The following PRH1 variants were observed in gnomAD, a reference collection of about 807,000 sequenced individuals.
The protein encoded by PRH1 is proline rich protein HaeIII subfamily 1.
PRH1 carries 7 observed loss-of-function variants against 7.9 expected under a neutral mutation model. That is an observed-to-expected ratio of 0.89 (90% confidence interval 0.50 to 1.67). The LOEUF is 1.67. PRH1 is among the 40% of genes most tolerant of loss of function. PRH1 has a pLI of 0.00. For synonymous variants in PRH1, 45 were observed against 80.8 expected, an observed-to-expected ratio of 0.56 and a Z score of 2.38; for missense variants, 109 against 223.6, an observed-to-expected ratio of 0.49 and a Z score of 3.27.
chr12:10,953,438 A>G (rs542555718), intron 2 of PRH1, among the ~76,000 whole-genome samples: 21 of 152,336 alleles, frequency 1.4e-4, no homozygotes, highest in Admixed American at 7.2e-4. Context: ...ATAGAGCTGA[A>G]AACATCACTT....
rs186154994 is a variant in PRH1, at chr12:10,925,200, T to C, written c.-58-40925A>G. Among the ~76,000 whole-genome samples, 12 of 152,344 alleles carry C rather than the reference T, an allele frequency of 7.9e-5. No homozygotes were observed. The East Asian group carries it at 2.3e-3, about 29-fold the overall frequency. On this transcript the variant is annotated intron_variant, in intron 2 of 3. Transcript: ENST00000539853. ...CCTCACCCTTTTGTGTCCACACTCC[T>C]TAATTTTCTTGGTCATGAGACCATG...
chr12:10,985,614 A>T (rs868503150), intron 1 of PRH1, among the ~76,000 whole-genome samples: 5 of 152,176 alleles, frequency 3.3e-5, no homozygotes. Flanking sequence ...GAAACATGAT[A>T]ATATGAAATG....
intron 2 of PRH1, among the ~76,000 whole-genome samples, chr12:10,915,854 C>T (rs61914786): frequency 2.6e-5 from 4 of 152,130 alleles, no homozygotes; most frequent in Admixed American, 6.5e-5. Context: ...GGTAGAGCTC[C>T]GGAACCACCT....
downstream of PRH1, among the ~76,000 whole-genome samples, chr12:11,118,165 C>A (rs1395150503): frequency 3.9e-5 from 6 of 152,108 alleles, no homozygotes; most frequent in Admixed American, 3.9e-4. Flanking sequence ...GCAAACTACT[C>A]ATCTGGCAAG....
chr12:11,033,859 A>G (rs2136107577), intron 1 of PRH1, among the ~76,000 whole-genome samples: 1 of 152,358 alleles, frequency 6.6e-6, no homozygotes, highest in Admixed American at 6.5e-5. Context: ...AACCAATACA[A>G]AAATGGGAAA....
At chr12:10,934,921 A>G (rs1002780396) in intron 2 of PRH1, among the ~76,000 whole-genome samples, 1 of 152,342 alleles carries the variant, frequency 6.6e-6, no homozygotes, top group Middle Eastern at 3.4e-3. Context: ...TTGCATTAAA[A>G]TTCAATGGAT....
At chr12:11,048,158 G>T (rs1436824413), upstream of PRH1, among the ~76,000 whole-genome samples, 1 of 100,460 alleles carries the variant, frequency 1.0e-5, no homozygotes, top group Non-Finnish European at 2.2e-5. Flanking sequence ...GTGTGTGTGT[G>T]TGTATAGATA....
chr12:10,938,513 C>T (rs146730084), intron 2 of PRH1: 2 of 1,613,912 alleles, frequency 1.2e-6, no homozygotes, highest in Non-Finnish European at 8.5e-7. Context: ...AGTGATCACA[C>T]TTTTAACTCC....
intron 2 of PRH1, among the ~76,000 whole-genome samples, chr12:10,923,270 C>A: frequency 6.6e-6 from 1 of 151,942 alleles, no homozygotes; most frequent in East Asian, 1.9e-4. Flanking sequence ...GGATTACAGG[C>A]ACACGCCACC....
intron 1 of PRH1, among the ~76,000 whole-genome samples, chr12:11,161,919 A>G (rs1294757795): frequency 1.3e-5 from 2 of 152,232 alleles, no homozygotes; most frequent in East Asian, 1.9e-4. Flanking sequence ...TTTGTAGGGT[A>G]AGATGGAACT....
At chr12:11,083,907 T>C (rs1205510151) in intron 1 of PRH1, among the ~76,000 whole-genome samples, 3 of 141,216 alleles carry the variant, frequency 2.1e-5, no homozygotes, top group African/African-American at 7.6e-5. Context: ...TTATGTTCTT[T>C]GTAAACATGT....
intron 2 of PRH1, among the ~76,000 whole-genome samples, chr12:10,914,762 TG>T (rs1949949866): frequency 6.6e-6 from 1 of 152,146 alleles, no homozygotes; most frequent in Non-Finnish European, 1.5e-5. Flanking sequence ...TCTAGAAACT[TG>T]AGATTTTGCA....
chr12:11,149,196 G>C (rs935328410), intron 1 of PRH1, among the ~76,000 whole-genome samples: 12 of 151,492 alleles, frequency 7.9e-5, no homozygotes, highest in Admixed American at 2.0e-4. Flanking sequence ...TATTAGTCTT[G>C]CTAGCAGTCT....
intron 2 of PRH1, among the ~76,000 whole-genome samples, chr12:10,893,217 T>C (rs558389833): frequency 2.0e-5 from 3 of 152,264 alleles, no homozygotes; most frequent in South Asian, 4.1e-4. Flanking sequence ...TCAGGTAAAA[T>C]ACAGAGTGTG....
chr12:10,892,189 A>C (rs1416102777), intron 2 of PRH1, among the ~76,000 whole-genome samples: 2 of 152,200 alleles, frequency 1.3e-5, no homozygotes, highest in African/African-American at 2.4e-5. Context: ...CTCATCAAAC[A>C]TACTGTTTGC....
At chr12:10,894,155 A>T (rs1437928865) in intron 2 of PRH1, among the ~76,000 whole-genome samples, 1 of 152,144 alleles carries the variant, frequency 6.6e-6, no homozygotes, top group Non-Finnish European at 1.5e-5. Context: ...AGATGCCAGC[A>T]GCAGTCCTCC....
intron 1 of PRH1, among the ~76,000 whole-genome samples, chr12:11,104,488 T>C (rs575630301): frequency 6.6e-6 from 1 of 152,346 alleles, no homozygotes; most frequent in East Asian, 1.9e-4. Flanking sequence ...TTTGTTCATT[T>C]TCTTTGTTGT....
At chr12:10,945,988 T>C (rs550750715) in intron 2 of PRH1, among the ~76,000 whole-genome samples, 29 of 152,324 alleles carry the variant, frequency 1.9e-4, no homozygotes, top group African/African-American at 7.0e-4. Context: ...TCCCTAAACA[T>C]TGCTGTTATC....
At chr12:10,973,590 C>T (rs1938936425) in intron 2 of PRH1, 3 of 742,694 alleles carry the variant, frequency 4.0e-6, no homozygotes, top group Non-Finnish European at 7.5e-6. Flanking sequence ...CTGTCTGATA[C>T]AGGCAGAAAC....
Sources: gnomAD v4.1 joint callset for allele counts (sites outside exome capture counted in the v4.1 genomes callset) on GRCh38, gnomAD v4.1.1 for gene constraint, MANE v1.5 for transcripts, NCBI Gene and HGNC (gene_info 2026-07-23, HGNC 2026-07-21) for gene names.